SLC24A2: variants seen among roughly 807,000 people sequenced by gnomAD.
The protein encoded by SLC24A2 is sodium/potassium/calcium exchanger 2.
A neutral mutation model predicts 62.0 loss-of-function variants in SLC24A2; 36 were observed. That is an observed-to-expected ratio of 0.58 (90% CI 0.44 to 0.77). The LOEUF is 0.77. SLC24A2 is among the 30% of genes least tolerant of loss of function. SLC24A2 has a pLI of 0.00. For synonymous variants in SLC24A2, 358 were observed against 294.0 expected, an observed-to-expected ratio of 1.22 and a Z score of -2.23; for missense variants, 846 against 817.9, an observed-to-expected ratio of 1.03 and a Z score of -0.42.
the SLC24A2 span, among the ~76,000 whole-genome samples, chr9:20,186,824 A>G: frequency 4.6e-5 from 7 of 152,290 alleles, no homozygotes; most frequent in East Asian, 1.3e-3. Flanking sequence ...ATTTTTATTC[A>G]TCTTGGGCAT....
the SLC24A2 span, among the ~76,000 whole-genome samples, chr9:20,200,494 G>A: frequency 1.3e-5 from 2 of 152,340 alleles, no homozygotes; most frequent in East Asian, 1.9e-4. Context: ...TAACTCAACT[G>A]CCTTGGATCA....
At chr9:19,904,625 T>C in the SLC24A2 span, among the ~76,000 whole-genome samples, 2 of 152,328 alleles carry the variant, frequency 1.3e-5, no homozygotes, top group Non-Finnish European at 2.9e-5. Context: ...CTTTCCTGGT[T>C]TTTGATGTTT....
chr9:20,225,562 A>ACTTCTATAC, the SLC24A2 span, among the ~76,000 whole-genome samples: 1 of 71,872 alleles, frequency 1.4e-5, no homozygotes, highest in Non-Finnish European at 2.4e-5. Flanking sequence ...TATATATATT[A>ACTTCTATAC]TATATATATA....
chr9:19,551,759 G>C (rs1021770503), intron 7 of SLC24A2, among the ~76,000 whole-genome samples: 34 of 152,236 alleles, frequency 2.2e-4, no homozygotes, highest in African/African-American at 8.2e-4. Context: ...GTCAGGGCTG[G>C]GTGAGAGGCC....
chr9:19,941,934 T>A, the SLC24A2 span, among the ~76,000 whole-genome samples: 304 of 152,248 alleles, frequency 2.0e-3, no homozygotes, highest in Middle Eastern at 6.8e-3. Context: ...TATTTATGTA[T>A]ACAATAAGGA....
the SLC24A2 span, among the ~76,000 whole-genome samples, chr9:19,966,682 A>G: frequency 3.3e-5 from 5 of 152,310 alleles, no homozygotes; most frequent in Admixed American, 2.6e-4. Flanking sequence ...TGAACATTCT[A>G]TAGGGAAAAA....
the SLC24A2 span, among the ~76,000 whole-genome samples, chr9:20,164,649 A>G: frequency 6.6e-6 from 1 of 151,810 alleles, no homozygotes; most frequent in Non-Finnish European, 1.5e-5. Flanking sequence ...TACCCAAAGG[A>G]CTATAAATCA....
At chr9:20,029,847 T>C in the SLC24A2 span, among the ~76,000 whole-genome samples, 1 of 152,096 alleles carries the variant, frequency 6.6e-6, no homozygotes, top group Admixed American at 6.6e-5. Context: ...TGTGTGTGTA[T>C]GCATGTATGT....
intron 8 of SLC24A2, among the ~76,000 whole-genome samples, chr9:19,529,277 C>A (rs937381088): frequency 6.6e-6 from 1 of 152,154 alleles, no homozygotes; most frequent in African/African-American, 2.4e-5. Flanking sequence ...TGGGCAGTCA[C>A]ACAGAACACG....
the SLC24A2 span, among the ~76,000 whole-genome samples, chr9:20,163,939 C>G: frequency 6.6e-6 from 1 of 152,134 alleles, no homozygotes; most frequent in Admixed American, 6.6e-5. Flanking sequence ...ATGGAGAAAG[C>G]TGAAACTGGA....
At chr9:20,288,248 G>A in the SLC24A2 span, among the ~76,000 whole-genome samples, 1 of 152,180 alleles carries the variant, frequency 6.6e-6, no homozygotes, top group African/African-American at 2.4e-5. Context: ...GAACCTCAAG[G>A]CCAGGGAAGG....
chr9:19,557,373 G>T (rs1835147208), intron 7 of SLC24A2, among the ~76,000 whole-genome samples: 1 of 152,194 alleles, frequency 6.6e-6, no homozygotes, highest in East Asian at 1.9e-4. Flanking sequence ...AGGCCTGGGG[G>T]TGTTTTACAA....
At chr9:19,851,564 T>G in the SLC24A2 span, among the ~76,000 whole-genome samples, 1 of 152,116 alleles carries the variant, frequency 6.6e-6, no homozygotes, top group Non-Finnish European at 1.5e-5. Flanking sequence ...CGCTTATAAG[T>G]GAGAACCTGT....
the SLC24A2 span, chr9:19,967,804 T>C: frequency 6.6e-6 from 1 of 152,218 alleles, no homozygotes; most frequent in African/African-American, 2.4e-5. Context: ...TAGACAAATG[T>C]TGCCATCTCC....
chr9:19,989,892 T>C, the SLC24A2 span, among the ~76,000 whole-genome samples: 2 of 152,126 alleles, frequency 1.3e-5, no homozygotes, highest in Admixed American at 6.6e-5. Flanking sequence ...AATAGCACTA[T>C]GCAGAGAGGG....
chr9:19,552,454 T>A (rs942938212), intron 7 of SLC24A2, among the ~76,000 whole-genome samples: 5 of 152,160 alleles, frequency 3.3e-5, no homozygotes, highest in African/African-American at 1.2e-4. Context: ...GCCCCAGAAA[T>A]AGGCATGGGA....
At chr9:20,226,997 G>A in the SLC24A2 span, among the ~76,000 whole-genome samples, 12 of 152,256 alleles carry the variant, frequency 7.9e-5, no homozygotes, top group South Asian at 8.3e-4. Context: ...TTCCTTGTCC[G>A]TCCCAAATCC....
At chr9:19,545,622 A>G (rs1182393309) in intron 8 of SLC24A2, among the ~76,000 whole-genome samples, 5 of 150,582 alleles carry the variant, frequency 3.3e-5, no homozygotes, top group East Asian at 2.0e-4. Flanking sequence ...TAGATGTGCT[A>G]TTCCTATTTT....
intron 7 of SLC24A2, among the ~76,000 whole-genome samples, chr9:19,554,928 G>T (rs10964201): frequency 0.2 from 30,075 of 152,156 alleles, 4,816 homozygotes; most frequent in African/African-American, 0.45. Context: ...TGCTGTGACT[G>T]CATTTGCTGA....
Sources: allele counts gnomAD v4.1 joint callset (sites outside exome capture counted in the v4.1 genomes callset), GRCh38; gene constraint gnomAD v4.1.1; transcripts MANE v1.5; gene names NCBI Gene and HGNC (gene_info 2026-07-23, HGNC 2026-07-21).